Variants in NCOR1 observed in about 807,000 individuals in gnomAD.
NCOR1 encodes protein phosphatase 1, regulatory subunit 109.
NCOR1 carries 63 observed loss-of-function variants against 288.1 expected under a neutral mutation model. That is an observed-to-expected ratio of 0.22 (90% CI 0.18 to 0.27). The LOEUF (loss-of-function observed/expected upper bound fraction) is 0.27, where lower values mean the gene tolerates loss of function less well. NCOR1 is among the 10% of genes least tolerant of loss of function. The probability of loss-of-function intolerance (pLI) is 1.00; values close to 1 mark genes in which losing one functional copy is unlikely to be tolerated. For missense variants in NCOR1, 2,397 were observed against 3,019.2 expected (o/e 0.79, Z 4.83); for synonymous variants, 1,007 against 1,065.9 (o/e 0.94, Z 1.08).
chr17:16,189,726 TA>T (rs2087685715), intron 2 of NCOR1, among the ~76,000 whole-genome samples: 1 of 152,180 alleles, frequency 6.6e-6, no homozygotes, highest in South Asian at 2.1e-4. Flanking sequence ...TTTTTTAAAT[TA>T]ATCCATACTG....
intron 1 of NCOR1, among the ~76,000 whole-genome samples, chr17:16,199,447 G>A (rs1402673166): frequency 2.0e-5 from 3 of 152,062 alleles, no homozygotes; most frequent in African/African-American, 7.2e-5. Flanking sequence ...AAAGCTAAAT[G>A]TACAAAAGAT....
chr17:16,208,591 C>G (rs1416749204), intron 1 of NCOR1, among the ~76,000 whole-genome samples: 1 of 151,676 alleles, frequency 6.6e-6, no homozygotes, highest in African/African-American at 2.4e-5. Flanking sequence ...TGGCCCGCAC[C>G]TATAATCCCA....
chr17:16,150,652 C>T (rs1266429510), intron 8 of NCOR1, among the ~76,000 whole-genome samples: 1 of 151,202 alleles, frequency 6.6e-6, no homozygotes, highest in Non-Finnish European at 1.5e-5. Flanking sequence ...GCTCTCCAGA[C>T]TGTATCAGGA....
In NCOR1 at chr17:16,032,156, T is replaced by C; in HGVS notation, c.*140A>G. 2 of 836,922 alleles carry C rather than the reference T, an allele frequency of 2.4e-6. No homozygotes were observed. The highest frequency in any genetic ancestry group is 7.7e-5 in the Admixed American group (2 of 26,070). 51.8% of individuals were successfully genotyped at this position (836,922 alleles called of 1,614,324 possible). ...CTCCAAATGAACTTCCATCATTTCT[T>C]CATCATCTGTGGGCTGGCTCTCCTG... is the stretch of plus-strand genomic sequence containing the variant. On this transcript the variant is annotated 3_prime_UTR_variant, in exon 46 of 46. Transcript: ENST00000268712.
chr17:16,064,080 A>G lies in NCOR1; in HGVS notation c.5209T>C (p.Tyr1737His), dbSNP rs1388346293. The change falls in exon 35 of 46, where the codon TAC becomes CAC. Residue 1737 changes from tyrosine to histidine, a missense_variant. Coordinates refer to ENST00000268712, the MANE Select transcript of NCOR1 (RefSeq NM_006311.4). ...GCCTTTCACTGACCTGGCCGCAGGT[A>G]GAGGTCGGAGGAAGCTGCAGCAATC... is the stretch of plus-strand genomic sequence containing the variant. Reference protein sequence around the residue: ...ERIAAASSDLYLRPGSEQPGR... With the variant: ...ERIAAASSDLHLRPGSEQPGR... 2 of 1,614,088 alleles carry G rather than the reference A, an allele frequency of 1.2e-6. No individual in the cohort carries two copies. The highest frequency in any genetic ancestry group is 1.7e-6 in the Non-Finnish European group (2 of 1,179,980).
intron 1 of NCOR1, among the ~76,000 whole-genome samples, chr17:16,212,283 A>T (rs112111097): frequency 2.9e-3 from 447 of 151,540 alleles, no homozygotes; most frequent in Non-Finnish European, 5.0e-3. Context: ...AAAAAAAAGA[A>T]AAAAAAAAGA....
At chr17:16,126,029 A>G (rs2073981400) in intron 15 of NCOR1, 53 bp downstream of exon 15, 3 of 936,792 alleles carry the variant, frequency 3.2e-6, no homozygotes, top group Non-Finnish European at 4.6e-6. Flanking sequence ...CAAAAATAAA[A>G]ATAAAATAAA....
rs1173930792 is a variant in NCOR1, at chr17:16,103,893, C to A, written c.2183-2136G>T. 3.3e-5 allele frequency among the ~76,000 whole-genome samples: 5 copies of A among 152,164 alleles called. No individual in the cohort carries two copies. In the East Asian group the frequency reaches 9.6e-4, roughly 29 times the overall value. On this transcript the variant is annotated intron_variant, in intron 19 of 45. Coordinates refer to ENST00000268712, the MANE Select transcript of NCOR1 (RefSeq NM_006311.4). ...AGCCACATGTGGCATGCCTGTGCTC[C>A]CAGCTACTTGGGAGGCTGAAGTAGG...
chr17:16,044,791 G>A, intron 42 of NCOR1: 1 of 1,106,954 alleles, frequency 9.0e-7, no homozygotes, highest in Non-Finnish European at 1.4e-6. Context: ...TCAACATTGG[G>A]AGCCTCATCT....
At chr17:16,065,117 A>G in intron 33 of NCOR1, 98 bp from the exon 34 acceptor site, 2 of 1,073,244 alleles carry the variant, frequency 1.9e-6, no homozygotes, top group Non-Finnish European at 2.7e-6. Context: ...ATCAAGGGTA[A>G]TTTGTACATA....
At chr17:16,144,069 C>G (rs1366720964) in intron 10 of NCOR1, among the ~76,000 whole-genome samples, 1 of 152,084 alleles carries the variant, frequency 6.6e-6, no homozygotes, top group Admixed American at 6.6e-5. Flanking sequence ...AACCAACATC[C>G]CTTACAAAAA....
intron 3 of NCOR1, among the ~76,000 whole-genome samples, chr17:16,175,897 T>C (rs2153479529): frequency 6.6e-6 from 1 of 151,762 alleles, no homozygotes; most frequent in Admixed American, 6.6e-5. Context: ...TGGCATCCAT[T>C]CTTTGTTTGG....
At chr17:16,196,715 C>T (rs2089880903) in intron 1 of NCOR1, among the ~76,000 whole-genome samples, 1 of 150,636 alleles carries the variant, frequency 6.6e-6, no homozygotes, top group Non-Finnish European at 1.5e-5. Context: ...GTCCCAGCTA[C>T]TGGGGAGACT....
chr17:16,083,715 C>T (rs373392316), intron 23 of NCOR1, among the ~76,000 whole-genome samples: 40 of 151,834 alleles, frequency 2.6e-4, no homozygotes, highest in African/African-American at 9.4e-4. Flanking sequence ...GCAGGTGAAT[C>T]GTAAAGCATT....
At position 16,122,936 on chromosome 17, in the gene NCOR1, T is replaced by C. The variant is rs139662369; in HGVS notation, c.1635-1667A>G. On this transcript the variant is annotated intron_variant, in intron 15 of 45. Transcript: ENST00000268712. ...CACTGTGCTGGGTTCCTCTCATCCC[T>C]TTCATACGGGGATTTCCCAAGGCTC... Among the ~76,000 whole-genome samples, 30 of 152,286 alleles carry C rather than the reference T, an allele frequency of 2.0e-4. 1 individual carries two copies. Among genetic ancestry groups the C allele is most frequent in the African/African-American group, 7.0e-4 (29 of 41,556 alleles).
intron 40 of NCOR1, among the ~76,000 whole-genome samples, chr17:16,055,266 A>G (rs1342021845): frequency 8.5e-5 from 13 of 152,276 alleles, no homozygotes; most frequent in Admixed American, 7.8e-4. Flanking sequence ...AAAGACATGG[A>G]ATCAACCCAA....
intron 44 of NCOR1, among the ~76,000 whole-genome samples, chr17:16,036,193 T>G (rs749015470): frequency 6.6e-6 from 1 of 152,246 alleles, no homozygotes; most frequent in Non-Finnish European, 1.5e-5. Flanking sequence ...ATTCATCTCC[T>G]TGAACCTTTC....
At chr17:16,117,825 C>G in intron 18 of NCOR1, 63 bp downstream of exon 18, 1 of 1,445,908 alleles carries the variant, frequency 6.9e-7, no homozygotes, top group East Asian at 2.4e-5. Context: ...CCATCTCAAA[C>G]AACAACAACA....
intron 4 of NCOR1, among the ~76,000 whole-genome samples, chr17:16,171,142 GT>G (rs2083076332): frequency 6.6e-6 from 1 of 151,932 alleles, no homozygotes; most frequent in African/African-American, 2.4e-5. Flanking sequence ...AGCTTGATGT[GT>G]TTCCCAATGT....
Sources: gnomAD v4.1 joint callset for allele counts (sites outside exome capture counted in the v4.1 genomes callset) on GRCh38, gnomAD v4.1.1 for gene constraint, MANE v1.5 for transcripts, NCBI Gene and HGNC (gene_info 2026-07-23, HGNC 2026-07-21) for gene names.